The following RORB variants were observed in gnomAD, a reference collection of about 807,000 sequenced individuals.
The protein encoded by RORB is RAR related orphan receptor B, also known as nuclear receptor ROR-beta.
Under a neutral mutation model 59.1 loss-of-function variants are expected in RORB, and 6 were observed. That is an observed-to-expected ratio of 0.10 (90% CI 0.06 to 0.20). RORB has a LOEUF of 0.20. Among genes scored for constraint, RORB ranks in the 10% least tolerant of loss-of-function variants. The probability of loss-of-function intolerance (pLI) is 1.00; values close to 1 mark genes in which losing one functional copy is unlikely to be tolerated. For missense variants in RORB, 320 were observed against 560.5 expected (o/e 0.57, Z 4.33); for synonymous variants, 215 against 204.5 (o/e 1.05, Z -0.44).
intron 1 of RORB, among the ~76,000 whole-genome samples, chr9:74,521,561 C>A (rs948193364): frequency 5.3e-5 from 8 of 151,808 alleles, no homozygotes; most frequent in African/African-American, 1.9e-4. Flanking sequence ...TGAACAATAT[C>A]TCTATGATAA....
chr9:74,625,464 A>C lies in RORB; in HGVS notation c.8-4818A>C, dbSNP rs150939343. The stretch of plus-strand genomic sequence containing the variant: ...GTCTGTCCCTACAAAAAATGTAAAA[A>C]TTAGCCAGGCATGGTGGTGCACACC... On this transcript the variant is annotated intron_variant, in intron 1 of 9. Coordinates refer to ENST00000376896, the MANE Select transcript of RORB (RefSeq NM_006914.4). Among the ~76,000 whole-genome samples, 9 of 152,250 alleles carry C rather than the reference A, an allele frequency of 5.9e-5. No individual in the cohort carries two copies. The East Asian group carries it at 1.5e-3, about 26-fold the overall frequency.
At chr9:74,674,174 G>C (rs1295943092) in intron 9 of RORB, among the ~76,000 whole-genome samples, 1 of 152,166 alleles carries the variant, frequency 6.6e-6, no homozygotes, top group Non-Finnish European at 1.5e-5. Flanking sequence ...TTAAATGTGA[G>C]AGAAACTGTT....
At chr9:74,589,365 C>T (rs1822853314) in intron 1 of RORB, among the ~76,000 whole-genome samples, 1 of 152,130 alleles carries the variant, frequency 6.6e-6, no homozygotes, top group African/African-American at 2.4e-5. Context: ...CCACCTCTCT[C>T]CCCCAACACA....
At chr9:74,530,027 A>G (rs1428715926) in intron 1 of RORB, among the ~76,000 whole-genome samples, 1 of 152,018 alleles carries the variant, frequency 6.6e-6, no homozygotes, top group African/African-American at 2.4e-5. Flanking sequence ...TGGTATAAAT[A>G]CCTGTCTCTC....
chr9:74,596,321 G>T (rs1164025923), intron 1 of RORB, among the ~76,000 whole-genome samples: 2 of 152,114 alleles, frequency 1.3e-5, no homozygotes, highest in African/African-American at 2.4e-5. Context: ...CGAATAAAAA[G>T]GGTCACCATC....
intron 7 of RORB, among the ~76,000 whole-genome samples, chr9:74,666,492 G>C (rs754758864): frequency 6.6e-6 from 1 of 151,088 alleles, no homozygotes; most frequent in Admixed American, 6.6e-5. Context: ...AGAAATAACC[G>C]GAGGCTGATG....
intron 1 of RORB, among the ~76,000 whole-genome samples, chr9:74,509,162 C>T (rs760319750): frequency 6.6e-6 from 1 of 151,968 alleles, no homozygotes; most frequent in Non-Finnish European, 1.5e-5. Context: ...CTCTCCACAG[C>T]TTTCACTCCC....
chr9:74,579,027 A>G (rs1312009793), intron 1 of RORB, among the ~76,000 whole-genome samples: 2 of 152,110 alleles, frequency 1.3e-5, no homozygotes, highest in Non-Finnish European at 2.9e-5. Flanking sequence ...CCAACGAACT[A>G]GTGTTTATAC....
chr9:74,507,522 T>C (rs1241010610), intron 1 of RORB, among the ~76,000 whole-genome samples: 2 of 152,082 alleles, frequency 1.3e-5, no homozygotes, highest in African/African-American at 4.8e-5. Context: ...TCGTATGAGT[T>C]TGTAATTCTG....
rs201641969 is a variant in RORB at position 74,660,762 on chromosome 9, G to A, written c.759+24G>A. 5.4e-5 allele frequency: 87 copies of A among 1,604,544 alleles called. No individual in the cohort carries two copies. In the African/African-American group the frequency reaches 1.1e-3, roughly 20 times the overall value. On this transcript the variant is annotated intron_variant, in intron 5 of 9. Transcript: ENST00000376896. ...AGGTACTCTGGGAAACCATGAGAAAGTTTTTCTGTGATTACCCTATTGCTG... is the reference window on the plus strand; with the variant it reads ...AGGTACTCTGGGAAACCATGAGAAAATTTTTCTGTGATTACCCTATTGCTG...
At chr9:74,627,849 T>A (rs1350538692) in intron 1 of RORB, among the ~76,000 whole-genome samples, 2 of 152,140 alleles carry the variant, frequency 1.3e-5, no homozygotes, top group African/African-American at 4.8e-5. Flanking sequence ...ATTAGATTAT[T>A]TTTAAATGAA....
At chr9:74,612,436 A>C (rs1823244125) in intron 1 of RORB, among the ~76,000 whole-genome samples, 1 of 152,208 alleles carries the variant, frequency 6.6e-6, no homozygotes, top group South Asian at 2.1e-4. Flanking sequence ...GTTTTTGATA[A>C]GGAAGGTGAT....
At chr9:74,574,742 A>C (rs1007005462) in intron 1 of RORB, among the ~76,000 whole-genome samples, 1 of 152,156 alleles carries the variant, frequency 6.6e-6, no homozygotes, top group African/African-American at 2.4e-5. Context: ...TAAACTAGTC[A>C]TACGATTGAG....
chr9:74,550,493 A>C (rs1826590743), intron 1 of RORB, among the ~76,000 whole-genome samples: 1 of 152,230 alleles, frequency 6.6e-6, no homozygotes, highest in South Asian at 2.1e-4. Context: ...GCTAGGGTTG[A>C]GAAATACTTT....
chr9:74,659,015 G>A (rs1824135692), intron 4 of RORB, among the ~76,000 whole-genome samples: 1 of 152,068 alleles, frequency 6.6e-6, no homozygotes, highest in Non-Finnish European at 1.5e-5. Context: ...CTTTCTGCAG[G>A]ATGGATTGCA....
At chr9:74,623,025 A>T (rs184142133) in intron 1 of RORB, among the ~76,000 whole-genome samples, 1 of 152,332 alleles carries the variant, frequency 6.6e-6, no homozygotes, top group Non-Finnish European at 1.5e-5. Flanking sequence ...TCAATGAGAC[A>T]GGACAGCTTT....
chr9:74,538,672 T>A (rs1241769378), intron 1 of RORB, among the ~76,000 whole-genome samples: 1 of 150,416 alleles, frequency 6.6e-6, no homozygotes, highest in Non-Finnish European at 1.5e-5. Flanking sequence ...GTACAGATTA[T>A]ACCTGATCTA....
chr9:74,614,169 T>G lies in RORB; in HGVS notation c.8-16113T>G, dbSNP rs1190724443. Among the ~76,000 whole-genome samples the G allele has an allele frequency of 5.9e-5, 9 of 152,300 alleles. 1 individual carries two copies. The South Asian group carries it at 1.7e-3, about 28-fold the overall frequency. ...CACCTGCTTTCCACAGTGGCTGAAC[T>G]AATTTACACTCCACCAACTTATATG... is the stretch of plus-strand genomic sequence containing the variant. On this transcript the variant is annotated intron_variant, in intron 1 of 9. Coordinates refer to ENST00000376896, the MANE Select transcript of RORB (RefSeq NM_006914.4).
intron 1 of RORB, among the ~76,000 whole-genome samples, chr9:74,551,407 C>T (rs1826605575): frequency 6.6e-6 from 1 of 152,138 alleles, no homozygotes; most frequent in African/African-American, 2.4e-5. Flanking sequence ...ATATGATCAC[C>T]AGGTCAGCTA....
Sources: allele counts gnomAD v4.1 joint callset (sites outside exome capture counted in the v4.1 genomes callset), GRCh38; gene constraint gnomAD v4.1.1; transcripts MANE v1.5; gene names NCBI Gene and HGNC (gene_info 2026-07-23, HGNC 2026-07-21).